The following TCF12 variants were observed in gnomAD, a reference collection of about 807,000 sequenced individuals.
TCF12 encodes DNA-binding protein HTF4.
Under a neutral mutation model 86.0 loss-of-function variants are expected in TCF12, and 45 were observed. The observed-to-expected ratio is 0.52, with a 90% CI of 0.41 to 0.67. TCF12 has a LOEUF of 0.67. Ranked by LOEUF, TCF12 falls within the 30% of genes least tolerant of loss-of-function variation. The probability of loss-of-function intolerance (pLI) is 0.00; values close to 1 mark genes in which losing one functional copy is unlikely to be tolerated. For missense variants in TCF12, 881 were observed against 859.9 expected (o/e 1.02, Z -0.31); for synonymous variants, 330 against 299.6 (o/e 1.10, Z -1.05).
Position 57,263,112 on chromosome 15 carries a change from GTGGCT to G in TCF12, c.1586_1590del (p.Gly529AlafsTer15). ...TATCTTTCCTTTGCCTCTTTGTTAG[GTGGCT>G]TGCAAAGTCAGTCTGGAACTGTTGT... On this transcript the variant is annotated frameshift_variant and splice_region_variant, in exon 18 of 21. Coordinates refer to ENST00000333725, the MANE Select transcript of TCF12 (RefSeq NM_207037.2). LOFTEE classifies it high-confidence loss of function. The G allele has an allele frequency of 6.3e-7, 1 of 1,593,552 alleles. No individual in the cohort carries two copies. The highest frequency in any genetic ancestry group is 2.2e-5 in the East Asian group (1 of 44,452).
intron 5 of TCF12, chr15:57,118,370 G>A (rs1193530212): frequency 6.6e-6 from 1 of 152,226 alleles, no homozygotes; most frequent in Admixed American, 6.5e-5. Flanking sequence ...TTTGGATGCA[G>A]TTGAACTAGA....
intron 6 of TCF12, among the ~76,000 whole-genome samples, chr15:57,189,224 A>G (rs1223527482): frequency 1.3e-5 from 2 of 152,218 alleles, no homozygotes; most frequent in African/African-American, 4.8e-5. Context: ...ACATCAAAAG[A>G]ATCAGCAACA....
chr15:57,190,616 C>G (rs2056930472), intron 6 of TCF12, among the ~76,000 whole-genome samples: 1 of 152,126 alleles, frequency 6.6e-6, no homozygotes. Flanking sequence ...CCTATTTCAT[C>G]TCATCTACCA....
intron 5 of TCF12, among the ~76,000 whole-genome samples, chr15:57,113,387 C>G (rs1421788966): frequency 6.6e-6 from 1 of 152,186 alleles, no homozygotes; most frequent in Non-Finnish European, 1.5e-5. Flanking sequence ...GTACACCTCT[C>G]TCTTTTTCTG....
At chr15:57,084,447 G>A (rs187863362) in intron 4 of TCF12, among the ~76,000 whole-genome samples, 319 of 152,194 alleles carry the variant, frequency 2.1e-3, no homozygotes, top group Admixed American at 4.7e-3. Flanking sequence ...ACAATGTACC[G>A]GGTCCTGTGA....
chr15:57,147,257 ATTAC>A (rs2151435738), intron 5 of TCF12, among the ~76,000 whole-genome samples: 1 of 152,328 alleles, frequency 6.6e-6, no homozygotes, highest in East Asian at 1.9e-4. Flanking sequence ...TATTAAGCTT[ATTAC>A]TTCTAGAAAG....
At chr15:57,202,311 C>G (rs2057581655) in intron 8 of TCF12, among the ~76,000 whole-genome samples, 1 of 151,926 alleles carries the variant, frequency 6.6e-6, no homozygotes. Context: ...TAAATTTATT[C>G]TGTCAATTAT....
At chr15:57,076,069 T>G (rs2070004177) in intron 4 of TCF12, among the ~76,000 whole-genome samples, 1 of 151,490 alleles carries the variant, frequency 6.6e-6, no homozygotes, top group African/African-American at 2.4e-5. Context: ...TTGCCCAGGC[T>G]GTTACCAAAT....
intron 5 of TCF12, among the ~76,000 whole-genome samples, chr15:57,137,780 G>A (rs1281949478): frequency 2.0e-5 from 3 of 152,162 alleles, no homozygotes; most frequent in African/African-American, 7.2e-5. Flanking sequence ...CGTAATCCCA[G>A]CACTTTGAGA....
intron 5 of TCF12, among the ~76,000 whole-genome samples, chr15:57,130,406 T>G (rs1215830160): frequency 6.6e-6 from 1 of 152,130 alleles, no homozygotes; most frequent in Admixed American, 6.5e-5. Context: ...CTGACTTTTG[T>G]TTTTGTTTTT....
rs1270163870 is a variant in TCF12, at chr15:57,091,813, A to G, written c.247A>G (p.Ser83Gly). ...GGGTTTTACAGACAGCCCTCATTAC[A>G]GTGATCACTTGAATGACAGTCGATT... is the stretch of plus-strand genomic sequence containing the variant. ...SRGFTDSPHY[S>G]DHLNDSRLGA... Residue 83 changes from serine (S) to glycine (G), a missense_variant, in exon 5 of 21, where the codon AGT (serine) becomes GGT (glycine). By Grantham distance (56) the Ser-to-Gly change is moderately conservative (BLOSUM62 0). Transcript: ENST00000333725. 2 of 1,613,562 alleles carry G rather than the reference A, an allele frequency of 1.2e-6. No individual in the cohort carries two copies. The highest frequency in any genetic ancestry group is 1.1e-5 in the South Asian group (1 of 91,052).
chr15:57,223,670 T>TTTTTTTTTTTTTTTTTTG (rs2058732027), intron 8 of TCF12, among the ~76,000 whole-genome samples: 1 of 126,230 alleles, frequency 7.9e-6, no homozygotes, highest in Non-Finnish European at 1.6e-5. Context: ...TTTTTTTTTT[T>TTTTTTTTTTTTTTTTTTG]TAGAAATAGA....
At chr15:57,256,433 A>G (rs2060348930) in intron 16 of TCF12, among the ~76,000 whole-genome samples, 1 of 152,130 alleles carries the variant, frequency 6.6e-6, no homozygotes, top group Admixed American at 6.5e-5. Flanking sequence ...ACTCTTGCCA[A>G]CTGGCTCCAA....
At chr15:57,282,938 C>T (rs763445069) in intron 20 of TCF12, among the ~76,000 whole-genome samples, 7 of 152,236 alleles carry the variant, frequency 4.6e-5, no homozygotes, top group Non-Finnish European at 8.8e-5. Context: ...TGTTACCACT[C>T]ATGTTCTTCA....
chr15:57,030,624 G>A (rs1427123872), intron 3 of TCF12, among the ~76,000 whole-genome samples: 1 of 152,122 alleles, frequency 6.6e-6, no homozygotes, highest in Non-Finnish European at 1.5e-5. Flanking sequence ...TGAAAAATAG[G>A]AAAACTATCG....
chr15:57,112,392 T>G (rs1467241800), intron 5 of TCF12, among the ~76,000 whole-genome samples: 2 of 152,186 alleles, frequency 1.3e-5, no homozygotes, highest in Admixed American at 6.5e-5. Context: ...TGGCAGATAA[T>G]GTGGAGGAAG....
At chr15:57,016,898 A>G (rs1451884416) in intron 3 of TCF12, among the ~76,000 whole-genome samples, 1 of 152,204 alleles carries the variant, frequency 6.6e-6, no homozygotes, top group African/African-American at 2.4e-5. Flanking sequence ...ACTGTGCATT[A>G]TAGATCTGGG....
chr15:57,020,360 TTAAAG>T (rs1234071442), intron 3 of TCF12, among the ~76,000 whole-genome samples: 11 of 152,206 alleles, frequency 7.2e-5, no homozygotes, highest in African/African-American at 2.4e-4. Flanking sequence ...TTTCTATTTC[TTAAAG>T]TATAGAAGTG....
chr15:57,206,061 A>G (rs1245972019), intron 8 of TCF12, among the ~76,000 whole-genome samples: 2 of 152,250 alleles, frequency 1.3e-5, no homozygotes, highest in Non-Finnish European at 2.9e-5. Flanking sequence ...AGACTTCACA[A>G]AGCAGATGTA....
Sources: gnomAD v4.1 joint callset for allele counts (sites outside exome capture counted in the v4.1 genomes callset) on GRCh38, gnomAD v4.1.1 for gene constraint, MANE v1.5 for transcripts, NCBI Gene and HGNC (gene_info 2026-07-23, HGNC 2026-07-21) for gene names.